The following ATF6 variants were observed in gnomAD, a reference collection of about 807,000 sequenced individuals.
The protein encoded by ATF6 is cyclic AMP-dependent transcription factor ATF-6 alpha.
A neutral mutation model predicts 83.6 loss-of-function variants in ATF6; 53 were observed. That is an observed-to-expected ratio of 0.63 (90% CI 0.51 to 0.80). The LOEUF (loss-of-function observed/expected upper bound fraction) is 0.80. ATF6 is among the 30% of genes least tolerant of loss of function. The probability of loss-of-function intolerance (pLI) is 0.00; values close to 1 mark genes in which losing one functional copy is unlikely to be tolerated. For synonymous variants in ATF6, 288 were observed against 285.8 expected, an observed-to-expected ratio of 1.01 and a Z score of -0.08; for missense variants, 744 against 797.9, an observed-to-expected ratio of 0.93 and a Z score of 0.81.
intron 14 of ATF6, among the ~76,000 whole-genome samples, chr1:161,903,666 A>G (rs1571226281): frequency 1.3e-5 from 2 of 152,198 alleles, no homozygotes; most frequent in African/African-American, 2.4e-5. Flanking sequence ...TAATCTTTAT[A>G]AACAATCGGT....
chr1:161,893,459 C>A lies in ATF6; in HGVS notation c.1720-18837C>A, dbSNP rs577641043. Among the ~76,000 whole-genome samples the A allele has an allele frequency of 1.6e-4, 24 of 152,332 alleles. No individual in the cohort carries two copies. In the South Asian group the frequency reaches 4.6e-3, roughly 29 times the overall value. On this transcript the variant is annotated intron_variant, in intron 14 of 15. Transcript: ENST00000367942. Reference sequence around the variant, plus strand: ...GGGATTACAGGCGTGAGCCACTGCGCCCCGCCACGGAAACTTTATTTTCAA... The same window carrying A: ...GGGATTACAGGCGTGAGCCACTGCGACCCGCCACGGAAACTTTATTTTCAA...
intron 1 of ATF6, among the ~76,000 whole-genome samples, chr1:161,774,008 A>G (rs552741205): frequency 2.6e-5 from 4 of 152,292 alleles, no homozygotes; most frequent in African/African-American, 9.6e-5. Context: ...ATATCTTAAT[A>G]TTACCCACAC....
intron 9 of ATF6, among the ~76,000 whole-genome samples, chr1:161,834,961 CAT>C (rs1686176544): frequency 6.6e-6 from 1 of 152,154 alleles, no homozygotes; most frequent in African/African-American, 2.4e-5. Flanking sequence ...AGTCATGAGA[CAT>C]ATTGACATCT....
At chr1:161,898,240 A>G (rs1687714197) in intron 14 of ATF6, among the ~76,000 whole-genome samples, 1 of 152,202 alleles carries the variant, frequency 6.6e-6, no homozygotes, top group African/African-American at 2.4e-5. Flanking sequence ...TTTAAATATC[A>G]TATCCAGGCT....
intron 4 of ATF6, among the ~76,000 whole-genome samples, chr1:161,784,343 T>C (rs1455533334): frequency 6.6e-6 from 1 of 152,242 alleles, no homozygotes; most frequent in Non-Finnish European, 1.5e-5. Flanking sequence ...CATTGCATTT[T>C]AACAGTATCC....
At chr1:161,838,894 C>G (rs1686285167) in intron 9 of ATF6, among the ~76,000 whole-genome samples, 1 of 152,114 alleles carries the variant, frequency 6.6e-6, no homozygotes, top group South Asian at 2.1e-4. Flanking sequence ...TAAATTACCC[C>G]CAGTTACTAC....
chr1:161,930,890 A>ATT lies in ATF6; in HGVS notation c.1804+18523_1804+18524dup, dbSNP rs199715828. 2.0e-5 allele frequency among the ~76,000 whole-genome samples: 3 copies of ATT among 146,456 alleles called. No homozygotes were observed. The Admixed American group carries it at 2.0e-4, about 10-fold the overall frequency. On this transcript the variant is annotated intron_variant, in intron 15 of 15. Transcript: ENST00000367942. ...TGTTCCTAAAATGTAGGTTCGTAGA[A>ATT]TTTTTTTTTTTTTTCCCCTGGGGAC...
intron 14 of ATF6, among the ~76,000 whole-genome samples, chr1:161,907,956 T>C (rs1407566719): frequency 3.3e-5 from 5 of 152,204 alleles, no homozygotes; most frequent in Non-Finnish European, 7.4e-5. Context: ...GGGCAGACTA[T>C]TATGATTTTT....
At chr1:161,787,718 C>T (rs909844824) in intron 4 of ATF6, among the ~76,000 whole-genome samples, 2 of 148,460 alleles carry the variant, frequency 1.3e-5, no homozygotes, top group Non-Finnish European at 3.0e-5. Context: ...GATCTCGGAT[C>T]CATTTGAAAT....
intron 15 of ATF6, among the ~76,000 whole-genome samples, chr1:161,942,904 G>A (rs544280323): frequency 6.6e-6 from 1 of 152,156 alleles, no homozygotes; most frequent in South Asian, 2.1e-4. Flanking sequence ...CACCCAGGCT[G>A]GAGTGCAGTG....
In ATF6 at chr1:161,961,051, C is replaced by T. The variant is rs985733547; in HGVS notation, c.*2397C>T. On this transcript the variant is annotated 3_prime_UTR_variant, in exon 16 of 16. Transcript: ENST00000367942. Reference sequence around the variant, plus strand: ...CACAGGAGAAGGACCCATCTCGTGGCCTTCTTGTTCTTAGCGCTTCACTTT... The same window carrying T: ...CACAGGAGAAGGACCCATCTCGTGGTCTTCTTGTTCTTAGCGCTTCACTTT... 2 of 152,212 alleles carry T rather than the reference C, an allele frequency of 1.3e-5. No homozygotes were observed. Among genetic ancestry groups the T allele is most frequent in the African/African-American group, 4.8e-5 (2 of 41,446 alleles). The allele number at this position is 152,212 out of a possible 1,614,324, so 9.4% of individuals were successfully genotyped here.
intron 7 of ATF6, among the ~76,000 whole-genome samples, chr1:161,815,168 T>TA (rs1685583346): frequency 6.7e-6 from 1 of 148,330 alleles, no homozygotes; most frequent in African/African-American, 2.5e-5. Flanking sequence ...TTTCTTAGCA[T>TA]AAAAATCCCA....
chr1:161,822,039 T>C (rs982304907), intron 9 of ATF6, among the ~76,000 whole-genome samples: 1 of 152,176 alleles, frequency 6.6e-6, no homozygotes, highest in Non-Finnish European at 1.5e-5. Context: ...CGAATGGTGG[T>C]GCTGTCATCG....
Position 161,819,708 on chromosome 1 carries a change from G to A in ATF6, c.985G>A (p.Glu329Lys). Residue 329 changes from glutamate (E) to lysine (K), a missense_variant, in exon 8 of 16, where the codon GAA (glutamate) becomes AAA (lysine). Physicochemically the swap from Glu to Lys is moderately conservative, Grantham distance 56. Transcript: ENST00000367942. ...TTGTCAGTCTCGCAAGAAGAAGAAA[G>A]AATATATGCTAGGGTTAGAGGCGAG... ...SACQSRKKKK[E>K]YMLGLEARLK... 6.2e-7 allele frequency: 1 copy of A among 1,613,150 alleles called. No individual in the cohort carries two copies.
At chr1:161,860,185 T>C in intron 12 of ATF6, 22 bp from the exon 13 acceptor site, 5 of 1,371,470 alleles carry the variant, frequency 3.6e-6, no homozygotes, top group South Asian at 1.4e-5. Flanking sequence ...GTATTAAACT[T>C]TTTTTTTTTT....
intron 7 of ATF6, among the ~76,000 whole-genome samples, chr1:161,819,363 T>C (rs1295213905): frequency 6.6e-6 from 1 of 152,190 alleles, no homozygotes; most frequent in Non-Finnish European, 1.5e-5. Flanking sequence ...TGAGGGAGTT[T>C]CTAAGGGGAA....
intron 14 of ATF6, among the ~76,000 whole-genome samples, chr1:161,877,330 T>C (rs907626339): frequency 1.3e-5 from 2 of 152,106 alleles, no homozygotes. Context: ...ATAGTAAGCA[T>C]GATGAAAACA....
At position 161,958,656 on chromosome 1, in the gene ATF6, A is replaced by G. The variant is rs776597580; in HGVS notation, c.*2A>G. The G allele has an allele frequency of 6.2e-7, 1 of 1,604,962 alleles. No individual in the cohort carries two copies. The highest frequency in any genetic ancestry group is 8.5e-7 in the Non-Finnish European group (1 of 1,175,248). ...ACCATCCCTGAGTCATTACAATAGC[A>G]CCCTGCAGCTATGCTGGAAAACTGA... On this transcript the variant is annotated 3_prime_UTR_variant, in exon 16 of 16. Coordinates refer to ENST00000367942, the MANE Select transcript of ATF6 (RefSeq NM_007348.4).
chr1:161,954,973 T>A (rs1688937018), intron 15 of ATF6, among the ~76,000 whole-genome samples: 2 of 152,232 alleles, frequency 1.3e-5, no homozygotes, highest in African/African-American at 4.8e-5. Context: ...TATTTGGTTC[T>A]ATTTTTCCTA....
Sources: gnomAD v4.1 joint callset for allele counts (sites outside exome capture counted in the v4.1 genomes callset) on GRCh38, gnomAD v4.1.1 for gene constraint, MANE v1.5 for transcripts, NCBI Gene and HGNC (gene_info 2026-07-23, HGNC 2026-07-21) for gene names.